The following FRMPD2 variants were observed in gnomAD, a reference collection of about 807,000 sequenced individuals.
FRMPD2 encodes FERM and PDZ domain containing 2.
FRMPD2 carries 96 observed loss-of-function variants against 140.1 expected under a neutral mutation model. The observed-to-expected ratio is 0.69, with a 90% confidence interval of 0.58 to 0.81. FRMPD2 has a LOEUF of 0.81. Among genes scored for constraint, FRMPD2 ranks in the 40% least tolerant of loss-of-function variants. FRMPD2 has a pLI of 0.00. For synonymous variants in FRMPD2, 449 were observed against 547.6 expected (o/e 0.82, Z 2.52); for missense variants, 1,240 against 1,447.4 (o/e 0.86, Z 2.32).
chr10:48,161,381 G>T (rs1217911345), intron 28 of FRMPD2, among the ~76,000 whole-genome samples: 1 of 150,652 alleles, frequency 6.6e-6, no homozygotes, highest in Non-Finnish European at 1.5e-5. Flanking sequence ...TGTGATGTTT[G>T]ATGCAAAAAA....
At position 48,206,901 on chromosome 10, in the gene FRMPD2, C is replaced by A; in HGVS notation, c.1644G>T (p.Leu548=). ...TCTTCTCTGAGAATACTTGGTGAAC[C>A]AGCACACCGTATTCTGGGAGCTGCT... ...VTQQLPEYGV[L]VHQVFSEKRR... is the part of the protein sequence containing the mutation. Residue 548 remains leucine (L), a synonymous_variant, in exon 14 of 29, where the codon CTG becomes CTT. Coordinates refer to ENST00000374201, the MANE Select transcript of FRMPD2 (RefSeq NM_001018071.4). 1 of 1,613,982 alleles carries A rather than the reference C, an allele frequency of 6.2e-7. No homozygotes were observed. The highest frequency in any genetic ancestry group is 2.2e-5 in the East Asian group (1 of 44,868).
chr10:48,255,398 C>T (rs1840469268), intron 1 of FRMPD2, among the ~76,000 whole-genome samples: 1 of 152,180 alleles, frequency 6.6e-6, no homozygotes, highest in Admixed American at 6.5e-5. Context: ...TTAGTGCTTC[C>T]ACTTGGGCCT....
chr10:48,223,274 A>C lies in FRMPD2; in HGVS notation c.1169-4T>G. ...TCCAGGAAAAAGAACTCTTTGCCTG[A>C]AATGGAAATAGAGCATGTGTGGAAG... is the stretch of plus-strand genomic sequence containing the variant. On this transcript the variant is annotated splice_polypyrimidine_tract_variant and splice_region_variant and intron_variant, in intron 10 of 28. Coordinates refer to ENST00000374201, the MANE Select transcript of FRMPD2 (RefSeq NM_001018071.4). 6.2e-7 allele frequency: 1 copy of C among 1,610,950 alleles called. No homozygotes were observed. Among genetic ancestry groups the C allele is most frequent in the Non-Finnish European group, 8.5e-7 (1 of 1,178,402 alleles).
Position 48,249,184 on chromosome 10 carries a change from A to G in FRMPD2, c.152-6T>C, listed in dbSNP as rs1328193907. On this transcript the variant is annotated splice_region_variant and splice_polypyrimidine_tract_variant and intron_variant, in intron 2 of 28. Transcript: ENST00000374201. ...AACCACATAGTCCGAGGAATCTGAA[A>G]CCAAGCCAGTGATGGGGCTGTAGAG... The G allele has an allele frequency of 6.2e-7, 1 of 1,613,272 alleles. No homozygotes were observed. Among genetic ancestry groups the G allele is most frequent in the Non-Finnish European group, 8.5e-7 (1 of 1,179,510 alleles).
At chr10:48,206,965 C>T in intron 13 of FRMPD2, 32 bp from the exon 14 acceptor site, 1 of 1,604,436 alleles carries the variant, frequency 6.2e-7, no homozygotes, top group Non-Finnish European at 8.5e-7. Context: ...TTAGAAGAGA[C>T]AGGCACATGG....
At chr10:48,180,133 T>G (rs1327988187) in intron 21 of FRMPD2, among the ~76,000 whole-genome samples, 1 of 151,996 alleles carries the variant, frequency 6.6e-6, no homozygotes. Flanking sequence ...CTGTCCTCAC[T>G]CATCCCACAA....
rs749825511 is a variant in FRMPD2, at chr10:48,212,005, G to T, written c.1560C>A (p.His520Gln). The change falls in exon 13 of 29, where the codon CAC becomes CAA. Residue 520 changes from histidine (H) to glutamine (Q), a missense_variant. By Grantham distance (24) the His-to-Gln change is conservative. Transcript: ENST00000374201. ...LRVQVEVSEM[H>Q]RLSSALWGED... ...CTCCCCACAGTGCAGAGCTGAGCCG[G>T]TGCATCTCTGAGACTTCAACCTGGA... is the stretch of plus-strand genomic sequence containing the variant. 1.9e-6 allele frequency: 3 copies of T among 1,614,084 alleles called. No individual in the cohort carries two copies. The highest frequency in any genetic ancestry group is 2.5e-6 in the Non-Finnish European group (3 of 1,180,000).
intron 1 of FRMPD2, among the ~76,000 whole-genome samples, chr10:48,268,784 T>G (rs1840719264): frequency 6.6e-6 from 1 of 152,220 alleles, no homozygotes; most frequent in Non-Finnish European, 1.5e-5. Flanking sequence ...GTTACATAAA[T>G]CTACACAAGT....
intron 10 of FRMPD2, among the ~76,000 whole-genome samples, chr10:48,227,752 G>C (rs1183294708): frequency 1.3e-5 from 2 of 152,176 alleles, no homozygotes; most frequent in Non-Finnish European, 2.9e-5. Context: ...GATTTGGCTT[G>C]AAGGAAGAAA....
intron 13 of FRMPD2, among the ~76,000 whole-genome samples, chr10:48,210,076 C>A (rs1839284516): frequency 6.6e-6 from 1 of 152,084 alleles, no homozygotes; most frequent in Non-Finnish European, 1.5e-5. Context: ...TGTAACTGTG[C>A]TATCTCCAGG....
intron 16 of FRMPD2, among the ~76,000 whole-genome samples, chr10:48,192,071 C>A (rs1588819197): frequency 6.6e-6 from 1 of 152,172 alleles, no homozygotes; most frequent in East Asian, 1.9e-4. Context: ...GCCAAATAGG[C>A]TTATTGCAAC....
chr10:48,239,364 C>G (rs961261537), intron 7 of FRMPD2, among the ~76,000 whole-genome samples: 26 of 152,206 alleles, frequency 1.7e-4, no homozygotes, highest in Non-Finnish European at 2.4e-4. Flanking sequence ...GCCACTCGGC[C>G]TGAGTATGGT....
Position 48,192,916 on chromosome 10 carries a change from T to C in FRMPD2, c.1955-22A>G, listed in dbSNP as rs774782187. ...TGGTCTGAATTTGGGGAGAAAAACA[T>C]AGACATACACACACACAAGAATGAT... On this transcript the variant is annotated intron_variant, in intron 15 of 28. Coordinates refer to ENST00000374201, the MANE Select transcript of FRMPD2 (RefSeq NM_001018071.4). 22 of 1,557,136 alleles carry C rather than the reference T, an allele frequency of 1.4e-5. No homozygotes were observed. The East Asian group carries it at 2.9e-4, about 21-fold the overall frequency.
intron 12 of FRMPD2, among the ~76,000 whole-genome samples, chr10:48,217,152 C>A (rs561648446): frequency 6.6e-6 from 1 of 152,330 alleles, no homozygotes; most frequent in African/African-American, 2.4e-5. Flanking sequence ...TGCTGATGTT[C>A]TGATGGATTA....
At chr10:48,207,025 A>G in intron 13 of FRMPD2, 92 bp from the exon 14 acceptor site, 1 of 1,089,308 alleles carries the variant, frequency 9.2e-7, no homozygotes, top group Non-Finnish European at 1.3e-6. Context: ...ACACACTGAT[A>G]GGCGTTCTGA....
intron 22 of FRMPD2, among the ~76,000 whole-genome samples, chr10:48,177,138 C>G (rs1372462354): frequency 6.8e-6 from 1 of 146,810 alleles, no homozygotes; most frequent in Non-Finnish European, 1.5e-5. Flanking sequence ...GACAGAGTCT[C>G]ACTCTGTCGC....
rs747990351 is a variant in FRMPD2, at chr10:48,206,949, G to C, written c.1612-16C>G. 2 of 1,612,050 alleles carry C rather than the reference G, an allele frequency of 1.2e-6. No individual in the cohort carries two copies. Among genetic ancestry groups the C allele is most frequent in the Non-Finnish European group, 1.7e-6 (2 of 1,178,848 alleles). ...GCTGAGTGACCTGGAGCAGAAAAAG[G>C]CTGATTTAGAAGAGACAGGCACATG... On this transcript the variant is annotated splice_polypyrimidine_tract_variant and intron_variant, in intron 13 of 28. Transcript: ENST00000374201.
chr10:48,234,881 C>T (rs562910219), intron 9 of FRMPD2, among the ~76,000 whole-genome samples: 11 of 152,248 alleles, frequency 7.2e-5, no homozygotes, highest in Non-Finnish European at 1.0e-4. Context: ...CACAAGCATC[C>T]CTGCAGAGCG....
chr10:48,237,300 T>C (rs972865155), intron 8 of FRMPD2, among the ~76,000 whole-genome samples: 1 of 152,002 alleles, frequency 6.6e-6, no homozygotes, highest in African/African-American at 2.4e-5. Flanking sequence ...AATAGAAGTA[T>C]CTCTAGTGAG....
Sources: gnomAD v4.1 joint callset for allele counts (sites outside exome capture counted in the v4.1 genomes callset) on GRCh38, gnomAD v4.1.1 for gene constraint, MANE v1.5 for transcripts, NCBI Gene and HGNC (gene_info 2026-07-23, HGNC 2026-07-21) for gene names.